The following TAFA4 variants were observed in gnomAD, a reference collection of about 807,000 sequenced individuals.
TAFA4 encodes the protein TAFA chemokine like family member 4.
TAFA4 carries 20 observed loss-of-function variants against 21.1 expected under a neutral mutation model. That is an observed-to-expected ratio of 0.95 (90% CI 0.67 to 1.38). TAFA4 has a LOEUF of 1.38. Among genes scored for constraint, TAFA4 ranks in the 40% most tolerant of loss-of-function variants. TAFA4 has a pLI of 0.00. For synonymous variants in TAFA4, 71 were observed against 67.4 expected (o/e 1.05, Z -0.26); for missense variants, 211 against 180.9 (o/e 1.17, Z -0.95).
At chr3:68,878,677 C>A (rs1198004848) in intron 3 of TAFA4, among the ~76,000 whole-genome samples, 1 of 152,192 alleles carries the variant, frequency 6.6e-6, no homozygotes, top group Non-Finnish European at 1.5e-5. Context: ...TGAAGCTACA[C>A]AGTCCCATAT....
chr3:68,860,002 C>T (rs968210989), intron 3 of TAFA4, among the ~76,000 whole-genome samples: 1 of 152,104 alleles, frequency 6.6e-6, no homozygotes, highest in Non-Finnish European at 1.5e-5. Context: ...TCCTGAACAT[C>T]TTAGACTGGG....
At chr3:68,904,082 C>T (rs1575665961) in intron 1 of TAFA4, among the ~76,000 whole-genome samples, 1 of 133,018 alleles carries the variant, frequency 7.5e-6, no homozygotes, top group African/African-American at 2.8e-5. Context: ...AAAAAAAAAA[C>T]AATTTGCCAT....
At chr3:68,800,859 G>A (rs937592933) in intron 3 of TAFA4, among the ~76,000 whole-genome samples, 1 of 152,164 alleles carries the variant, frequency 6.6e-6, no homozygotes, top group African/African-American at 2.4e-5. Context: ...ACAAGACAGG[G>A]AACTGAAAAT....
In TAFA4 at chr3:68,819,855, C is replaced by T. The variant is rs74323405; in HGVS notation, c.130+60875G>A. ...TTGGTGGGGATGTAAATTAATAAAGCCATTATGGAAAACAGTACGACATTC... is the reference window on the plus strand; with the variant it reads ...TTGGTGGGGATGTAAATTAATAAAGTCATTATGGAAAACAGTACGACATTC... On this transcript the variant is annotated intron_variant, in intron 3 of 5. Coordinates refer to ENST00000295569, the MANE Select transcript of TAFA4 (RefSeq NM_182522.5). 8.5e-3 allele frequency among the ~76,000 whole-genome samples: 1,290 copies of T among 152,116 alleles called. 22 individuals are homozygous for T. Among genetic ancestry groups the T allele is most frequent in the African/African-American group, 0.029 (1,222 of 41,490 alleles).
chr3:68,882,228 C>T (rs567042211), intron 2 of TAFA4, among the ~76,000 whole-genome samples: 3 of 152,056 alleles, frequency 2.0e-5, no homozygotes, highest in South Asian at 2.1e-4. Context: ...TTATGTGATG[C>T]CTTGAAATTG....
chr3:68,911,092 T>C (rs1287179705), intron 1 of TAFA4, among the ~76,000 whole-genome samples: 1 of 152,228 alleles, frequency 6.6e-6, no homozygotes, highest in Non-Finnish European at 1.5e-5. Context: ...CCCCAAAACA[T>C]GTTAAGGGCA....
intron 1 of TAFA4, among the ~76,000 whole-genome samples, chr3:68,895,111 C>T (rs561441380): frequency 1.3e-5 from 2 of 152,146 alleles, no homozygotes; most frequent in Admixed American, 6.5e-5. Flanking sequence ...AATTCTCCTG[C>T]CTCAGCCTCC....
At chr3:68,820,565 T>A (rs1318192892) in intron 3 of TAFA4, among the ~76,000 whole-genome samples, 10 of 151,478 alleles carry the variant, frequency 6.6e-5, no homozygotes, top group African/African-American at 2.2e-4. Flanking sequence ...TATAATTCCA[T>A]CTACTTGGAA....
At chr3:68,803,797 CTTTTTT>C (rs386396961) in intron 3 of TAFA4, among the ~76,000 whole-genome samples, 4 of 81,594 alleles carry the variant, frequency 4.9e-5, no homozygotes, top group East Asian at 4.6e-4. Context: ...ATCTCTGATT[CTTTTTT>C]TTTTTTTTTT....
intron 3 of TAFA4, among the ~76,000 whole-genome samples, chr3:68,784,046 GA>G (rs1438610149): frequency 2.0e-5 from 3 of 152,144 alleles, no homozygotes; most frequent in African/African-American, 7.2e-5. Flanking sequence ...AATCAATTAA[GA>G]AAAGGTTAAG....
In TAFA4 at chr3:68,853,183, T is replaced by A. The variant is rs544510332; in HGVS notation, c.130+27547A>T. ...TAAACTTAGAGTGTCACAATGTTTA[T>A]ATCTTTATTAGCTTTAATTACTATT... On this transcript the variant is annotated intron_variant, in intron 3 of 5. Coordinates refer to ENST00000295569, the MANE Select transcript of TAFA4 (RefSeq NM_182522.5). Among the ~76,000 whole-genome samples the A allele has an allele frequency of 5.3e-4, 81 of 152,280 alleles. 1 individual carries two copies. Among genetic ancestry groups the A allele is most frequent in the African/African-American group, 1.7e-3 (72 of 41,570 alleles).
chr3:68,737,216 G>GTA (rs1702258841), intron 5 of TAFA4, among the ~76,000 whole-genome samples: 1 of 152,040 alleles, frequency 6.6e-6, no homozygotes, highest in East Asian at 1.9e-4. Flanking sequence ...TAATTCGTGG[G>GTA]CTACTCCAAG....
chr3:68,806,004 T>A (rs4989277), intron 3 of TAFA4, among the ~76,000 whole-genome samples: 102,202 of 151,886 alleles, frequency 0.67, 34,847 homozygotes, highest in East Asian at 0.98. Flanking sequence ...AGAAAAAAAT[T>A]AAAATAAAAA....
intron 1 of TAFA4, among the ~76,000 whole-genome samples, chr3:68,929,425 G>A (rs1021337062): frequency 6.6e-6 from 1 of 152,146 alleles, no homozygotes; most frequent in Non-Finnish European, 1.5e-5. Context: ...GACAAATTAG[G>A]ATAAATATAC....
At chr3:68,797,078 A>G (rs1376418434) in intron 3 of TAFA4, among the ~76,000 whole-genome samples, 2 of 152,240 alleles carry the variant, frequency 1.3e-5, no homozygotes, top group African/African-American at 4.8e-5. Flanking sequence ...CTACTGTAGA[A>G]AACAATACGG....
At chr3:68,863,145 G>A (rs2089372226) in intron 3 of TAFA4, among the ~76,000 whole-genome samples, 1 of 151,868 alleles carries the variant, frequency 6.6e-6, no homozygotes, top group Non-Finnish European at 1.5e-5. Context: ...AACAGGCTCA[G>A]GTGGGAGGAT....
In TAFA4 at chr3:68,870,601, G is replaced by T. The variant is rs547003129; in HGVS notation, c.130+10129C>A. Among the ~76,000 whole-genome samples, 9 of 152,022 alleles carry T rather than the reference G, an allele frequency of 5.9e-5. 1 individual carries two copies. Among genetic ancestry groups the T allele is most frequent in the African/African-American group, 2.2e-4 (9 of 41,496 alleles). ...ATTTTTATTTTACTTTAAAGTTCTG[G>T]GATACATGTGCAGAATGTGCAGGTT... On this transcript the variant is annotated intron_variant, in intron 3 of 5. Transcript: ENST00000295569.
intron 3 of TAFA4, among the ~76,000 whole-genome samples, chr3:68,849,230 A>G (rs2106906788): frequency 6.6e-6 from 1 of 152,324 alleles, no homozygotes; most frequent in African/African-American, 2.4e-5. Flanking sequence ...GCCATATTTA[A>G]GATCGACACA....
At chr3:68,862,659 A>C (rs1160200836) in intron 3 of TAFA4, among the ~76,000 whole-genome samples, 2 of 152,056 alleles carry the variant, frequency 1.3e-5, no homozygotes, top group African/African-American at 4.8e-5. Context: ...TATCAACAGC[A>C]TGATTGAGCA....
Sources: gnomAD v4.1 joint callset for allele counts (sites outside exome capture counted in the v4.1 genomes callset) on GRCh38, gnomAD v4.1.1 for gene constraint, MANE v1.5 for transcripts, NCBI Gene and HGNC (gene_info 2026-07-23, HGNC 2026-07-21) for gene names.